SH3BP5: variants seen among roughly 807,000 people sequenced by gnomAD.
The protein encoded by SH3BP5 is SH3 domain-binding protein 5.
In SH3BP5, 22 loss-of-function variants were observed where a neutral mutation model predicts 43.3. That is an observed-to-expected ratio of 0.51 (90% CI 0.36 to 0.73). The LOEUF (loss-of-function observed/expected upper bound fraction) is 0.73. SH3BP5 is among the 30% of genes least tolerant of loss of function. SH3BP5 has a pLI of 0.00. For synonymous variants in SH3BP5, 255 were observed against 225.8 expected (o/e 1.13, Z -1.16); for missense variants, 529 against 586.9 (o/e 0.90, Z 1.02).
In SH3BP5 at chr3:15,332,375, C is replaced by A; in HGVS notation, c.34G>T (p.Glu12Ter). ...DAALKRSRSE[E>*]PAEILPPARD... ...GCAGGCGGCAGGATTTCGGCTGGCTCCTCCGAGCGGCTCCGCTTCAGTGCC... is the reference window on the plus strand; with the variant it reads ...GCAGGCGGCAGGATTTCGGCTGGCTACTCCGAGCGGCTCCGCTTCAGTGCC... Residue 12 changes from glutamate to a stop codon, truncating the protein, a stop_gained, in exon 1 of 9, where the codon GAG becomes TAG. Coordinates refer to ENST00000383791, the MANE Select transcript of SH3BP5 (RefSeq NM_004844.5). LOFTEE classifies it high-confidence loss of function. The A allele has an allele frequency of 3.2e-6, 5 of 1,539,146 alleles. No homozygotes were observed. The highest frequency in any genetic ancestry group is 4.4e-6 in the Non-Finnish European group (5 of 1,147,754).
At chr3:15,292,141 A>T (rs1575317141) in intron 3 of SH3BP5, among the ~76,000 whole-genome samples, 2 of 152,196 alleles carry the variant, frequency 1.3e-5, no homozygotes, top group South Asian at 4.1e-4. Context: ...TGGTTTACAG[A>T]GGGGAAGGGG....
chr3:15,259,076 T>C (rs1237669753), intron 6 of SH3BP5, 26 bp from the exon 7 acceptor site: 18 of 1,559,974 alleles, frequency 1.2e-5, no homozygotes, highest in Non-Finnish European at 1.4e-5. Flanking sequence ...GGAGACTAAG[T>C]GAAGACTACC....
At chr3:15,332,836 C>T (rs1698651652), upstream of SH3BP5, among the ~76,000 whole-genome samples, 1 of 152,222 alleles carries the variant, frequency 6.6e-6, no homozygotes, top group Non-Finnish European at 1.5e-5. Context: ...CTCCTCCAGC[C>T]CTCCTCCGAG....
chr3:15,266,282 C>T (rs1306851248), intron 4 of SH3BP5, among the ~76,000 whole-genome samples: 1 of 152,228 alleles, frequency 6.6e-6, no homozygotes, highest in Admixed American at 6.5e-5. Flanking sequence ...CACCCACCAA[C>T]GTCAGGGAGG....
At chr3:15,306,592 G>A (rs756495245) in intron 2 of SH3BP5, among the ~76,000 whole-genome samples, 4 of 152,182 alleles carry the variant, frequency 2.6e-5, no homozygotes, top group Non-Finnish European at 5.9e-5. Context: ...CTATGGGCCT[G>A]GAGACTCAAC....
intron 6 of SH3BP5, 139 bp downstream of exon 6, chr3:15,259,622 G>T: frequency 1.2e-6 from 1 of 844,018 alleles, no homozygotes; most frequent in South Asian, 1.3e-5. Flanking sequence ...ACAATTTTGA[G>T]GTCTGAAAAC....
rs180867250 is a variant in SH3BP5, at chr3:15,271,974, C to T, written c.331-2097G>A. 2.6e-4 allele frequency among the ~76,000 whole-genome samples: 40 copies of T among 152,236 alleles called. 1 individual carries two copies. The highest frequency in any genetic ancestry group is 4.3e-4 in the African/African-American group (18 of 41,540). ...CCTCCCTCGTCCCACCACCCTCCCT[C>T]GGTTAACCACATCCCCAAGTCAGTT... On this transcript the variant is annotated intron_variant, in intron 3 of 8. Coordinates refer to ENST00000383791, the MANE Select transcript of SH3BP5 (RefSeq NM_004844.5).
intron 3 of SH3BP5, among the ~76,000 whole-genome samples, chr3:15,285,353 A>G (rs1304807331): frequency 6.6e-6 from 1 of 152,200 alleles, no homozygotes; most frequent in African/African-American, 2.4e-5. Context: ...AAGTCATGTC[A>G]TATGAACGCC....
rs180773550 is a variant in SH3BP5 at position 15,283,291 on chromosome 3, A to G, written c.331-13414T>C. ...CAGGCGCCTGTAGTCCGAGCTACTCAGGTGACTGAGGCACGACAATCCTTG... is the reference window on the plus strand; with the variant it reads ...CAGGCGCCTGTAGTCCGAGCTACTCGGGTGACTGAGGCACGACAATCCTTG... On this transcript the variant is annotated intron_variant, in intron 3 of 8. Coordinates refer to ENST00000383791, the MANE Select transcript of SH3BP5 (RefSeq NM_004844.5). Among the ~76,000 whole-genome samples the G allele has an allele frequency of 6.5e-4, 99 of 152,236 alleles. 1 individual carries two copies. The East Asian group carries it at 9.6e-3, about 15-fold the overall frequency.
intron 2 of SH3BP5, 151 bp from the exon 3 acceptor site, chr3:15,304,382 C>T: frequency 8.1e-7 from 1 of 1,230,090 alleles, no homozygotes; most frequent in Non-Finnish European, 1.2e-6. Flanking sequence ...TCTAGAGCAG[C>T]ACCGCCCAAA....
chr3:15,300,900 A>G (rs1273150506), intron 3 of SH3BP5, among the ~76,000 whole-genome samples: 1 of 152,194 alleles, frequency 6.6e-6, no homozygotes, highest in Non-Finnish European at 1.5e-5. Context: ...TGACTCACTC[A>G]TCCCCAGGAC....
In SH3BP5 at chr3:15,256,266, G is replaced by T; in HGVS notation, c.1188C>A (p.Asp396Glu). The change falls in exon 9 of 9, where the codon GAC becomes GAA. Residue 396 changes from aspartate to glutamate, a missense_variant. Transcript: ENST00000383791. Reference sequence around the variant, plus strand: ...TGAGGCCCCGGTTGTTGTTGGCTTTGTCACTTGTTTTATTCTCTGCCCCTT... The same window carrying T: ...TGAGGCCCCGGTTGTTGTTGGCTTTTTCACTTGTTTTATTCTCTGCCCCTT... The part of the protein sequence containing the change: ...RAEGAENKTS[D>E]KANNNRGLSS... The T allele has an allele frequency of 6.2e-7, 1 of 1,614,146 alleles. No individual in the cohort carries two copies.
chr3:15,256,261 GCTTTGTCA>G lies in SH3BP5; in HGVS notation c.1185_1192del (p.Asp396GlnfsTer9). On this transcript the variant is annotated frameshift_variant, in exon 9 of 9. Transcript: ENST00000383791. LOFTEE classifies it low-confidence loss of function (END_TRUNC). ...ACTGCTGAGGCCCCGGTTGTTGTTG[GCTTTGTCA>G]CTTGTTTTATTCTCTGCCCCTTCTG... The G allele has an allele frequency of 1.9e-6, 3 of 1,614,134 alleles. No homozygotes were observed. The highest frequency in any genetic ancestry group is 2.5e-6 in the Non-Finnish European group (3 of 1,180,020).
intron 1 of SH3BP5, among the ~76,000 whole-genome samples, chr3:15,338,315 C>A (rs573912654): frequency 8.5e-5 from 13 of 152,248 alleles, no homozygotes; most frequent in African/African-American, 3.1e-4. Flanking sequence ...TGCATTCCAG[C>A]CTGGACAACA....
chr3:15,274,438 A>G (rs76537996), intron 3 of SH3BP5, among the ~76,000 whole-genome samples: 1 of 152,262 alleles, frequency 6.6e-6, no homozygotes, highest in Non-Finnish European at 1.5e-5. Context: ...GGCATCTCAC[A>G]AAGTGCCTGG....
At chr3:15,296,530 G>T (rs867190329) in intron 3 of SH3BP5, among the ~76,000 whole-genome samples, 63 of 152,076 alleles carry the variant, frequency 4.1e-4, no homozygotes, top group Non-Finnish European at 8.1e-4. Flanking sequence ...CCTGGCATAT[G>T]GTAGGTGCTC....
At chr3:15,258,739 C>CT in intron 7 of SH3BP5, 92 bp downstream of exon 7, 2 of 1,181,344 alleles carry the variant, frequency 1.7e-6, no homozygotes, top group Non-Finnish European at 2.5e-6. Context: ...ACTCTGAGAC[C>CT]TTTCACTGAT....
At chr3:15,280,161 G>T (rs770178465) in intron 3 of SH3BP5, among the ~76,000 whole-genome samples, 3 of 152,102 alleles carry the variant, frequency 2.0e-5, no homozygotes, top group Non-Finnish European at 4.4e-5. Flanking sequence ...CAGGCCTCCG[G>T]GAACGACGCA....
In SH3BP5 at chr3:15,326,036, G is replaced by A. The variant is rs78193464; in HGVS notation, c.201+4468C>T. 6.9e-3 allele frequency among the ~76,000 whole-genome samples: 1,052 copies of A among 152,142 alleles called. 9 individuals are homozygous for A. The highest frequency in any genetic ancestry group is 0.012 in the Non-Finnish European group (793 of 67,986). ...CCTGTCTCAATAAATAAATAAAGCT[G>A]ACTGATCAATGGATCTGTGGGAAAA... On this transcript the variant is annotated intron_variant, in intron 2 of 8. Transcript: ENST00000383791.
Sources: gnomAD v4.1 joint callset for allele counts (sites outside exome capture counted in the v4.1 genomes callset) on GRCh38, gnomAD v4.1.1 for gene constraint, MANE v1.5 for transcripts, NCBI Gene and HGNC (gene_info 2026-07-23, HGNC 2026-07-21) for gene names.